PRR16: variants seen among roughly 807,000 people sequenced by gnomAD.
PRR16 encodes proline rich 16, also known as protein Largen.
A neutral mutation model predicts 18.2 loss-of-function variants in PRR16; 6 were observed. That is an observed-to-expected ratio of 0.33 (90% CI 0.18 to 0.65). PRR16 has a LOEUF of 0.65. Among genes scored for constraint, PRR16 ranks in the 30% least tolerant of loss-of-function variants. PRR16 has a pLI of 0.74. For synonymous variants in PRR16, 151 were observed against 147.8 expected (o/e 1.02, Z -0.16); for missense variants, 412 against 376.6 (o/e 1.09, Z -0.78).
At chr5:120,681,851 T>C (rs1756983011) in intron 1 of PRR16, among the ~76,000 whole-genome samples, 1 of 152,216 alleles carries the variant, frequency 6.6e-6, no homozygotes. Flanking sequence ...TGGTGTTCCC[T>C]TTTTTGTGGT....
At chr5:120,618,469 GTCT>G (rs1031611224) in intron 1 of PRR16, 2 of 969,440 alleles carry the variant, frequency 2.1e-6, no homozygotes, top group African/African-American at 3.5e-5. Context: ...CATGAATCAA[GTCT>G]TCATTTTAAT....
chr5:120,565,289 G>A (rs573994791), intron 1 of PRR16, among the ~76,000 whole-genome samples: 1 of 152,148 alleles, frequency 6.6e-6, no homozygotes, highest in African/African-American at 2.4e-5. Context: ...CTTTATGTGT[G>A]ATATATTATC....
At chr5:120,571,017 G>A in intron 1 of PRR16, among the ~76,000 whole-genome samples, 1 of 152,110 alleles carries the variant, frequency 6.6e-6, no homozygotes, top group Non-Finnish European at 1.5e-5. Context: ...TGGGGTTATT[G>A]TGATGTTATT....
intron 1 of PRR16, among the ~76,000 whole-genome samples, chr5:120,586,101 A>G (rs981295624): frequency 6.6e-6 from 1 of 151,724 alleles, no homozygotes; most frequent in African/African-American, 2.4e-5. Flanking sequence ...TGAACCAGGG[A>G]GGTGGAGGTT....
chr5:120,639,044 G>T (rs1035070758), intron 1 of PRR16, among the ~76,000 whole-genome samples: 6 of 152,100 alleles, frequency 3.9e-5, no homozygotes, highest in Non-Finnish European at 8.8e-5. Context: ...TATTTCAAAC[G>T]AGTATGTAGT....
At chr5:120,776,651 A>C in the PRR16 span, among the ~76,000 whole-genome samples, 2 of 152,040 alleles carry the variant, frequency 1.3e-5, no homozygotes, top group Non-Finnish European at 2.9e-5. Flanking sequence ...AGAATTTGAG[A>C]TTTAAAATCA....
intron 1 of PRR16, among the ~76,000 whole-genome samples, chr5:120,617,733 G>A (rs1754562433): frequency 6.6e-6 from 1 of 152,022 alleles, no homozygotes; most frequent in African/African-American, 2.4e-5. Context: ...TAAGACAATA[G>A]TCTTTTTTTA....
At chr5:120,774,966 C>T in the PRR16 span, among the ~76,000 whole-genome samples, 1 of 152,132 alleles carries the variant, frequency 6.6e-6, no homozygotes, top group Admixed American at 6.6e-5. Flanking sequence ...GTATTAATCA[C>T]ACATTATCTT....
At chr5:120,474,552 C>T (rs1360738350) in intron 1 of PRR16, among the ~76,000 whole-genome samples, 7 of 151,940 alleles carry the variant, frequency 4.6e-5, no homozygotes, top group Non-Finnish European at 5.9e-5. Context: ...ATCAAACATT[C>T]AGACTTCATG....
At chr5:120,465,597 G>C (rs964806478) in intron 1 of PRR16, 3 of 153,030 alleles carry the variant, frequency 2.0e-5, no homozygotes, top group Admixed American at 1.3e-4. Flanking sequence ...GGCGGGGGCC[G>C]GGCTGGGAGG....
At chr5:120,766,779 A>C in the PRR16 span, among the ~76,000 whole-genome samples, 25 of 151,980 alleles carry the variant, frequency 1.6e-4, no homozygotes, top group Non-Finnish European at 3.7e-4. Flanking sequence ...ACATATTGCT[A>C]CAAATTGACA....
chr5:120,522,484 C>T (rs994744965), intron 1 of PRR16, among the ~76,000 whole-genome samples: 1 of 152,208 alleles, frequency 6.6e-6, no homozygotes, highest in African/African-American at 2.4e-5. Flanking sequence ...TGAGAAATGT[C>T]TGTTCATATC....
intron 1 of PRR16, among the ~76,000 whole-genome samples, chr5:120,488,626 G>C (rs1254270413): frequency 1.3e-5 from 2 of 151,978 alleles, no homozygotes; most frequent in South Asian, 2.1e-4. Context: ...TTTTTTGAAG[G>C]GTTTTTTGTG....
intron 1 of PRR16, among the ~76,000 whole-genome samples, chr5:120,639,046 G>A (rs1755338149): frequency 1.3e-5 from 2 of 151,938 alleles, no homozygotes; most frequent in East Asian, 1.9e-4. Context: ...TTTCAAACGA[G>A]TATGTAGTGA....
intron 1 of PRR16, among the ~76,000 whole-genome samples, chr5:120,491,998 A>G (rs180844699): frequency 2.4e-4 from 36 of 152,316 alleles, no homozygotes; most frequent in African/African-American, 7.9e-4. Context: ...CACAATTACC[A>G]ATATAAATAT....
At chr5:120,766,979 G>A in the PRR16 span, among the ~76,000 whole-genome samples, 1 of 151,706 alleles carries the variant, frequency 6.6e-6, no homozygotes, top group Non-Finnish European at 1.5e-5. Flanking sequence ...TTCAGAAATT[G>A]GAATACTAAG....
the PRR16 span, among the ~76,000 whole-genome samples, chr5:120,729,157 C>T: frequency 7.2e-5 from 11 of 152,192 alleles, no homozygotes; most frequent in East Asian, 1.9e-3. Flanking sequence ...TAGAATCCAT[C>T]TAGGCAGGAC....
intron 1 of PRR16, among the ~76,000 whole-genome samples, chr5:120,476,999 G>A (rs1360905758): frequency 1.3e-5 from 2 of 152,088 alleles, no homozygotes; most frequent in East Asian, 3.9e-4. Flanking sequence ...TCTAGCAGCA[G>A]TTGACAGTCT....
chr5:120,745,099 C>T, the PRR16 span, among the ~76,000 whole-genome samples: 216 of 152,282 alleles, frequency 1.4e-3, 1 homozygote, highest in Middle Eastern at 3.4e-3. Context: ...CTTTCCCAAT[C>T]CTCCCTAATC....
Sources: gnomAD v4.1 joint callset for allele counts (sites outside exome capture counted in the v4.1 genomes callset) on GRCh38, gnomAD v4.1.1 for gene constraint, MANE v1.5 for transcripts, NCBI Gene and HGNC (gene_info 2026-07-23, HGNC 2026-07-21) for gene names.